Variants in ZCCHC7 observed in about 807,000 individuals in gnomAD.
ZCCHC7 encodes the protein zinc finger CCHC-type containing 7, also known as zinc finger CCHC domain-containing protein 7.
ZCCHC7 carries 35 observed loss-of-function variants against 52.0 expected under a neutral mutation model. The observed-to-expected ratio is 0.67, with a 90% CI of 0.51 to 0.89. ZCCHC7 has a LOEUF of 0.89. Among genes scored for constraint, ZCCHC7 ranks in the 40% least tolerant of loss-of-function variants. The pLI, the probability that ZCCHC7 is intolerant of heterozygous loss-of-function variation, is 0.00. For synonymous variants in ZCCHC7, 217 were observed against 221.5 expected, an observed-to-expected ratio of 0.98 and a Z score of 0.18; for missense variants, 574 against 649.1, an observed-to-expected ratio of 0.88 and a Z score of 1.26.
intron 2 of ZCCHC7, among the ~76,000 whole-genome samples, chr9:37,256,238 G>T (rs2133421003): frequency 6.6e-6 from 1 of 152,220 alleles, no homozygotes; most frequent in South Asian, 2.1e-4. Context: ...CAAGTGTTGT[G>T]CAGCTTTATG....
chr9:37,247,363 A>G (rs1397966044), intron 2 of ZCCHC7, among the ~76,000 whole-genome samples: 1 of 152,208 alleles, frequency 6.6e-6, no homozygotes, highest in East Asian at 1.9e-4. Context: ...GGACCTGGGT[A>G]GAGAGAGAAA....
chr9:37,302,080 G>A (rs750068998), intron 2 of ZCCHC7, 108 bp from the exon 3 acceptor site: 19 of 868,206 alleles, frequency 2.2e-5, no homozygotes, highest in African/African-American at 3.4e-5. Flanking sequence ...ACATTTCTCA[G>A]TGTACCTTTG....
chr9:37,256,428 A>G (rs1277631188), intron 2 of ZCCHC7, among the ~76,000 whole-genome samples: 1 of 152,192 alleles, frequency 6.6e-6, no homozygotes, highest in Non-Finnish European at 1.5e-5. Flanking sequence ...CACTGATGAT[A>G]AGGAGTAAGG....
chr9:37,271,630 C>T (rs1588586413), intron 2 of ZCCHC7, among the ~76,000 whole-genome samples: 1 of 152,292 alleles, frequency 6.6e-6, no homozygotes, highest in African/African-American at 2.4e-5. Context: ...AGTGCAGTGG[C>T]ACAATCTCGG....
intron 2 of ZCCHC7, among the ~76,000 whole-genome samples, chr9:37,163,451 G>A (rs1317728423): frequency 1.3e-5 from 2 of 150,192 alleles, no homozygotes; most frequent in East Asian, 1.9e-4. Context: ...ACCTTTTTAT[G>A]TTTGCACTCA....
At chr9:37,129,781 C>T (rs1842696995) in intron 2 of ZCCHC7, among the ~76,000 whole-genome samples, 1 of 152,178 alleles carries the variant, frequency 6.6e-6, no homozygotes, top group Non-Finnish European at 1.5e-5. Context: ...TGGGTCTTTT[C>T]CATACTCATA....
At chr9:37,235,955 C>A (rs78966637) in intron 2 of ZCCHC7, among the ~76,000 whole-genome samples, 7,692 of 151,886 alleles carry the variant, frequency 0.051, 639 homozygotes, top group African/African-American at 0.17. Flanking sequence ...TTGTCTGTTC[C>A]TCTGTTGGTG....
Position 37,126,512 on chromosome 9 carries a change from G to C in ZCCHC7, c.180G>C (p.Gly60=). ...AAGAGCATGAAGAAAAGAACTCTGGGAATTCGGAATCTTCGAGTAGTAAAC... is the reference window on the plus strand; with the variant it reads ...AAGAGCATGAAGAAAAGAACTCTGGCAATTCGGAATCTTCGAGTAGTAAAC... ...REEEHEEKNS[G]NSESSSSKPN... is the part of the protein sequence containing the mutation. The change falls in exon 2 of 9, where the codon GGG becomes GGC. Residue 60 remains glycine, a synonymous_variant. Coordinates refer to ENST00000336755, the MANE Select transcript of ZCCHC7 (RefSeq NM_032226.3). 1.2e-6 allele frequency: 2 copies of C among 1,613,778 alleles called. No individual in the cohort carries two copies. The highest frequency in any genetic ancestry group is 8.5e-7 in the Non-Finnish European group (1 of 1,180,014).
chr9:37,336,268 T>C (rs1830650375), intron 6 of ZCCHC7, among the ~76,000 whole-genome samples: 1 of 152,172 alleles, frequency 6.6e-6, no homozygotes, highest in African/African-American at 2.4e-5. Context: ...AAAAGGCAAC[T>C]CAAACTTAAG....
chr9:37,268,043 A>T (rs1827202204), intron 2 of ZCCHC7, among the ~76,000 whole-genome samples: 1 of 152,112 alleles, frequency 6.6e-6, no homozygotes, highest in Non-Finnish European at 1.5e-5. Context: ...TCAACCCAAG[A>T]TTCTCTTTCT....
chr9:37,132,862 G>A (rs56401530), intron 2 of ZCCHC7, among the ~76,000 whole-genome samples: 20,811 of 152,176 alleles, frequency 0.14, 1,732 homozygotes, highest in Non-Finnish European at 0.17. Context: ...TTACCAGCTG[G>A]ACATGGTGGC....
rs112043848 is a variant in ZCCHC7, at chr9:37,288,447, T to C, written c.611-13741T>C. 1.3e-4 allele frequency among the ~76,000 whole-genome samples: 20 copies of C among 152,040 alleles called. 3 individuals are homozygous for C. The highest frequency in any genetic ancestry group is 4.3e-4 in the African/African-American group (18 of 41,472). ...TCTTCCTTCTATACCAAGTCATGTCTTGCCATAATAGAAGGTAGAACTTTT... is the reference window on the plus strand; with the variant it reads ...TCTTCCTTCTATACCAAGTCATGTCCTGCCATAATAGAAGGTAGAACTTTT... On this transcript the variant is annotated intron_variant, in intron 2 of 8. Transcript: ENST00000336755.
chr9:37,287,181 C>T (rs1161380156), intron 2 of ZCCHC7, among the ~76,000 whole-genome samples: 1 of 148,634 alleles, frequency 6.7e-6, no homozygotes, highest in Non-Finnish European at 1.5e-5. Flanking sequence ...AGGCATGAGC[C>T]ACCATGCCCA....
chr9:37,310,083 GC>G (rs909557542), intron 5 of ZCCHC7, among the ~76,000 whole-genome samples: 6 of 152,130 alleles, frequency 3.9e-5, no homozygotes, highest in Non-Finnish European at 8.8e-5. Flanking sequence ...GTAATGAAAA[GC>G]TTTTTCCTAA....
At chr9:37,337,095 T>G (rs545286239) in intron 6 of ZCCHC7, among the ~76,000 whole-genome samples, 1 of 152,164 alleles carries the variant, frequency 6.6e-6, no homozygotes, top group Non-Finnish European at 1.5e-5. Flanking sequence ...TTCTGATGGG[T>G]GCCGATAAGC....
intron 1 of ZCCHC7, among the ~76,000 whole-genome samples, chr9:37,123,222 T>TGTGTGTGC (rs1017752285): frequency 1.6e-4 from 17 of 103,764 alleles, no homozygotes; most frequent in African/African-American, 5.1e-4. Context: ...TGTGTGTGTG[T>TGTGTGTGC]GTGCGTGTGC....
intron 1 of ZCCHC7, among the ~76,000 whole-genome samples, chr9:37,123,367 C>T (rs550227466): frequency 1.2e-4 from 19 of 152,294 alleles, no homozygotes; most frequent in African/African-American, 3.9e-4. Context: ...CATACATAAA[C>T]TACCTAAATA....
intron 5 of ZCCHC7, among the ~76,000 whole-genome samples, chr9:37,311,533 C>T (rs910361993): frequency 1.3e-5 from 2 of 152,146 alleles, no homozygotes; most frequent in African/African-American, 4.8e-5. Context: ...CCTCAGCCTC[C>T]CAAGTAGCTG....
intron 3 of ZCCHC7, among the ~76,000 whole-genome samples, chr9:37,303,493 A>G (rs1223279983): frequency 6.6e-6 from 1 of 151,606 alleles, no homozygotes; most frequent in Non-Finnish European, 1.5e-5. Flanking sequence ...CGCGGTGTCT[A>G]AGTGATGCAT....
Sources: gnomAD v4.1 joint callset for allele counts (sites outside exome capture counted in the v4.1 genomes callset) on GRCh38, gnomAD v4.1.1 for gene constraint, MANE v1.5 for transcripts, NCBI Gene and HGNC (gene_info 2026-07-23, HGNC 2026-07-21) for gene names.